Variants in SOX5 observed in about 807,000 individuals in gnomAD.
SOX5 encodes the protein transcription factor SOX-5.
SOX5 carries 9 observed loss-of-function variants against 92.0 expected under a neutral mutation model. The observed-to-expected ratio is 0.10, with a 90% CI of 0.06 to 0.17. The LOEUF (loss-of-function observed/expected upper bound fraction) is 0.17, where lower values mean the gene tolerates loss of function less well. SOX5 is among the 10% of genes least tolerant of loss of function. The pLI is 1.00. For synonymous variants in SOX5, 344 were observed against 336.3 expected (o/e 1.02, Z -0.25); for missense variants, 642 against 944.5 (o/e 0.68, Z 4.20).
At chr12:24,091,013 A>C (rs1808278475) in intron 4 of SOX5, among the ~76,000 whole-genome samples, 1 of 152,164 alleles carries the variant, frequency 6.6e-6, no homozygotes, top group Non-Finnish European at 1.5e-5. Flanking sequence ...TATTTTCTTA[A>C]CTTCCTGCCT....
intron 4 of SOX5, among the ~76,000 whole-genome samples, chr12:24,053,959 A>G (rs1257041689): frequency 1.3e-5 from 2 of 152,226 alleles, no homozygotes; most frequent in Non-Finnish European, 2.9e-5. Flanking sequence ...AGAGCAGTGA[A>G]GTAATGAAAC....
intron 3 of SOX5, among the ~76,000 whole-genome samples, chr12:23,811,179 C>T (rs2095869661): frequency 6.6e-6 from 1 of 152,042 alleles, no homozygotes; most frequent in Admixed American, 6.6e-5. Context: ...TGCTTCACTT[C>T]CAAGGATTAG....
intron 4 of SOX5, among the ~76,000 whole-genome samples, chr12:23,995,797 C>T (rs1315112605): frequency 6.6e-6 from 1 of 152,136 alleles, no homozygotes; most frequent in African/African-American, 2.4e-5. Flanking sequence ...CTCTGCTCAT[C>T]GTAGTTACAT....
intron 7 of SOX5, among the ~76,000 whole-genome samples, chr12:23,656,267 T>C (rs1483192263): frequency 6.6e-6 from 1 of 152,034 alleles, no homozygotes; most frequent in Non-Finnish European, 1.5e-5. Flanking sequence ...AATTCACAGA[T>C]AACTTGGGCC....
At position 23,767,499 on chromosome 12, in the gene SOX5, C is replaced by A. The variant is rs116386500; in HGVS notation, c.482-11775G>T. ...ATTCAGAAAATTCCCTATGTGAACT[C>A]TTTAAGGGAATGGCAGGACCAGAAA... On this transcript the variant is annotated intron_variant, in intron 3 of 14. Transcript: ENST00000451604. Among the ~76,000 whole-genome samples, 1,109 of 152,194 alleles carry A rather than the reference C, an allele frequency of 7.3e-3. 20 individuals carry two copies. The highest frequency in any genetic ancestry group is 0.025 in the African/African-American group (1,025 of 41,518).
chr12:24,208,436 C>T (rs965150893), intron 4 of SOX5, among the ~76,000 whole-genome samples: 24 of 152,120 alleles, frequency 1.6e-4, no homozygotes, highest in Admixed American at 1.6e-3. Context: ...TTTTGTATCC[C>T]CTGTGTTGCA....
At chr12:24,126,219 T>C (rs1331509075) in intron 4 of SOX5, among the ~76,000 whole-genome samples, 1 of 152,206 alleles carries the variant, frequency 6.6e-6, no homozygotes, top group African/African-American at 2.4e-5. Flanking sequence ...TCCCCTTCCA[T>C]GCCAATGCCT....
chr12:24,502,521 A>C (rs1211624806), intron 1 of SOX5, among the ~76,000 whole-genome samples: 2 of 152,256 alleles, frequency 1.3e-5, no homozygotes, highest in Non-Finnish European at 2.9e-5. Flanking sequence ...AATGAGGAAG[A>C]AGGAACAGTT....
chr12:24,431,098 T>C (rs934878412), intron 1 of SOX5, among the ~76,000 whole-genome samples: 2 of 152,218 alleles, frequency 1.3e-5, no homozygotes, highest in African/African-American at 4.8e-5. Context: ...TCATATTGTT[T>C]ATTGTAGACC....
At chr12:24,385,814 C>A (rs76169519) in intron 1 of SOX5, among the ~76,000 whole-genome samples, 13 of 151,326 alleles carry the variant, frequency 8.6e-5, no homozygotes, top group Admixed American at 8.6e-4. Flanking sequence ...TTTCTATAGT[C>A]CCAGCTACTC....
chr12:24,547,844 T>C (rs1475347765), intron 1 of SOX5, among the ~76,000 whole-genome samples: 2 of 152,194 alleles, frequency 1.3e-5, no homozygotes, highest in Non-Finnish European at 2.9e-5. Context: ...CACAGACAAG[T>C]ATCAAAATTT....
At chr12:23,949,462 C>T in intron 1 of SOX5, 102 bp downstream of exon 1, 1 of 1,434,544 alleles carries the variant, frequency 7.0e-7, no homozygotes, top group South Asian at 1.2e-5. Context: ...AAAGGCTTCT[C>T]TAACAAACAC....
At chr12:24,110,593 G>A (rs969065798) in intron 4 of SOX5, among the ~76,000 whole-genome samples, 2 of 152,004 alleles carry the variant, frequency 1.3e-5, no homozygotes, top group African/African-American at 4.8e-5. Flanking sequence ...AATTAAGAAG[G>A]TATGGATTTA....
chr12:24,095,132 G>C (rs750349567), intron 4 of SOX5, among the ~76,000 whole-genome samples: 3,634 of 57,286 alleles, frequency 0.063, 85 homozygotes, highest in African/African-American at 0.17. Flanking sequence ...CACACACAGA[G>C]AGAGAGAGAG....
intron 4 of SOX5, among the ~76,000 whole-genome samples, chr12:24,007,039 A>G (rs10842258): frequency 0.94 from 139,689 of 148,076 alleles, 66,435 homozygotes; most frequent in South Asian, 1. Flanking sequence ...AGGCTGAGGC[A>G]GGAGAACCAC....
At chr12:23,931,105 A>G (rs1053386592) in intron 1 of SOX5, among the ~76,000 whole-genome samples, 1 of 151,790 alleles carries the variant, frequency 6.6e-6, no homozygotes, top group Non-Finnish European at 1.5e-5. Context: ...CAAAATATTC[A>G]ATAAGTATTT....
In SOX5 at chr12:23,617,128, GAAAA is replaced by G. The variant is rs34672362; in HGVS notation, c.1018-12599_1018-12596del. On this transcript the variant is annotated intron_variant, in intron 8 of 14. Coordinates refer to ENST00000451604, the MANE Select transcript of SOX5 (RefSeq NM_006940.6). Reference sequence around the variant, plus strand: ...GCAATAGAACAAGACTCTGTCTCAAGAAAAAAAAAAAAAAAAAAAAGATAGATGG... The same window carrying G: ...GCAATAGAACAAGACTCTGTCTCAAGAAAAAAAAAAAAAAAAGATAGATGG... Among the ~76,000 whole-genome samples, 22 of 106,168 alleles carry G rather than the reference GAAAA, an allele frequency of 2.1e-4. 1 individual carries two copies. Among genetic ancestry groups the G allele is most frequent in the African/African-American group, 4.9e-4 (15 of 30,596 alleles). 69.7% of individuals were successfully genotyped at this position (106,168 alleles called of 152,430 possible). A position where few individuals can be genotyped will look rare whatever the true frequency, so the allele number is the denominator to read the frequency against.
At chr12:23,566,070 A>C (rs991320842) in intron 10 of SOX5, among the ~76,000 whole-genome samples, 1 of 152,018 alleles carries the variant, frequency 6.6e-6, no homozygotes, top group South Asian at 2.1e-4. Context: ...GCTTTCAATC[A>C]AGGCAAATCT....
intron 13 of SOX5, among the ~76,000 whole-genome samples, chr12:23,540,586 G>C (rs1350049339): frequency 6.6e-6 from 1 of 152,070 alleles, no homozygotes; most frequent in African/African-American, 2.4e-5. Context: ...TCTCCGTGGG[G>C]TCTGTAGTGA....
Sources: gnomAD v4.1 joint callset for allele counts (sites outside exome capture counted in the v4.1 genomes callset) on GRCh38, gnomAD v4.1.1 for gene constraint, MANE v1.5 for transcripts, NCBI Gene and HGNC (gene_info 2026-07-23, HGNC 2026-07-21) for gene names.